Variants in PER1 observed in about 807,000 individuals in gnomAD.
PER1 encodes the protein period circadian regulator 1.
A neutral mutation model predicts 125.9 loss-of-function variants in PER1; 87 were observed. The ratio of observed to expected loss-of-function variants is 0.69; its 90% CI spans 0.58 to 0.83. PER1 has a LOEUF of 0.83. Ranked by LOEUF, PER1 falls within the 40% of genes least tolerant of loss-of-function variation. PER1 has a pLI of 0.00. For missense variants in PER1, 1,775 were observed against 1,722.8 expected (o/e 1.03, Z -0.54); for synonymous variants, 801 against 714.7 (o/e 1.12, Z -1.93).
rs1411398244 is a variant in PER1, at chr17:8,150,795, G to A, written c.-89C>T. 1.6e-6 allele frequency: 2 copies of A among 1,252,308 alleles called. No homozygotes were observed. Among genetic ancestry groups the A allele is most frequent in the Admixed American group, 2.4e-5 (1 of 41,918 alleles). The allele number at this position is 1,252,308 out of a possible 1,614,324, so 77.6% of individuals were successfully genotyped here. A position where few individuals can be genotyped will look rare whatever the true frequency, so the allele number is the denominator to read the frequency against. ...CCTGGAGGCTTGGCTGAGGGAGTGA[G>A]GTGGAAGATCTAAGTCTCTGAGGGT... On this transcript the variant is annotated 5_prime_UTR_variant, in exon 2 of 23. Coordinates refer to ENST00000317276, the MANE Select transcript of PER1 (RefSeq NM_002616.3).
Position 8,141,183 on chromosome 17 carries a change from T to G in PER1, c.3758A>C (p.Glu1253Ala). The change falls in exon 23 of 23, where the codon GAG becomes GCG. Residue 1253 changes from glutamate (E) to alanine (A), a missense_variant. By Grantham distance (107) the Glu-to-Ala change is moderately radical. Coordinates refer to ENST00000317276, the MANE Select transcript of PER1 (RefSeq NM_002616.3). ...TGAAGCCTTGGCCCCGCCTTGGGCC[T>G]CCTCGCAGCCCTCTCCCTCACCACT... Reference protein sequence around the residue: ...GGSGEGEGCEEAQGGAKASSS... With the variant: ...GGSGEGEGCEAAQGGAKASSS... The G allele has an allele frequency of 6.2e-7, 1 of 1,614,176 alleles. No homozygotes were observed. Among genetic ancestry groups the G allele is most frequent in the Non-Finnish European group, 8.5e-7 (1 of 1,180,020 alleles).
chr17:8,142,357 C>T lies in PER1; in HGVS notation c.3361G>A (p.Val1121Met). The change falls in exon 21 of 23, where the codon GTG (valine) becomes ATG (methionine). Residue 1121 changes from valine to methionine, a missense_variant. Physicochemically the swap from Val to Met is conservative, Grantham distance 21. Coordinates refer to ENST00000317276, the MANE Select transcript of PER1 (RefSeq NM_002616.3). ...ARGGAEPGDQ[V>M]IKYVLQDPIW... is the part of the protein sequence containing the mutation. ...GGATCCTGGAGCACGTACTTAATCA[C>T]CTGGTCCCCAGGCTCAGCCCCGCCC... is the stretch of plus-strand genomic sequence containing the variant. 6.2e-7 allele frequency: 1 copy of T among 1,613,898 alleles called. No homozygotes were observed. Among genetic ancestry groups the T allele is most frequent in the Non-Finnish European group, 8.5e-7 (1 of 1,179,942 alleles).
Position 8,144,850 on chromosome 17 carries a change from G to C in PER1, c.2362C>G (p.Gln788Glu). The change falls in exon 18 of 23, where the codon CAG becomes GAG. Residue 788 changes from glutamine to glutamate, a missense_variant. Coordinates refer to ENST00000317276, the MANE Select transcript of PER1 (RefSeq NM_002616.3). ...CTGAGGAAGGCTTGCTCTTCCTTCT[G>C]TGTGTGCAGGGACAGCACGGCCTTG... ...LTKAVLSLHT[Q>E]KEEQAFLSRF... 1 of 1,589,138 alleles carries C rather than the reference G, an allele frequency of 6.3e-7. No homozygotes were observed. Among genetic ancestry groups the C allele is most frequent in the Non-Finnish European group, 8.6e-7 (1 of 1,166,386 alleles).
chr17:8,149,872 G>A lies in PER1; in HGVS notation c.534C>T (p.Asn178=). ...ALACVKQVQA[N]QEYYQQWSLE... is the part of the protein sequence containing the mutation. ...GGCTCCACTGCTGGTAGTATTCCTG[G>A]TTGGCTGCAGAGTGGAGGCAGTGAG... Residue 178 remains asparagine, a synonymous_variant, in exon 5 of 23, where the codon AAC becomes AAT. Transcript: ENST00000317276. 1 of 1,614,160 alleles carries A rather than the reference G, an allele frequency of 6.2e-7. No individual in the cohort carries two copies. The highest frequency in any genetic ancestry group is 1.1e-5 in the South Asian group (1 of 91,092).
chr17:8,151,896 G>A (rs1982882406), intron 1 of PER1, among the ~76,000 whole-genome samples: 1 of 152,236 alleles, frequency 6.6e-6, no homozygotes. Flanking sequence ...GTGGCCAACA[G>A]CAGGAACCAG....
intron 18 of PER1, 82 bp from the exon 19 acceptor site, chr17:8,143,958 C>T: frequency 1.3e-6 from 2 of 1,507,630 alleles, no homozygotes; most frequent in African/African-American, 2.8e-5. Flanking sequence ...ACACGCTGAC[C>T]AGGGAGAGGA....
Position 8,150,721 on chromosome 17 carries a change from G to C in PER1, c.-15C>G, listed in dbSNP as rs199561971. On this transcript the variant is annotated 5_prime_UTR_variant, in exon 2 of 23. Transcript: ENST00000317276. ...GGGCCACTCATGTCTGGGCCATGGG[G>C]AGAACAGAACAGAGAAGGCAGAGAG... The C allele has an allele frequency of 6.5e-7, 1 of 1,530,654 alleles. No individual in the cohort carries two copies. Among genetic ancestry groups the C allele is most frequent in the African/African-American group, 1.4e-5 (1 of 72,544 alleles). 94.8% of individuals were successfully genotyped at this position (1,530,654 alleles called of 1,614,324 possible).
chr17:8,146,440 TAGG>T lies in PER1; in HGVS notation c.1967_1969del (p.Ser656del), dbSNP rs754411014. 13 of 1,612,960 alleles carry T rather than the reference TAGG, an allele frequency of 8.1e-6. No individual in the cohort carries two copies. The highest frequency in any genetic ancestry group is 1.6e-4 in the Middle Eastern group (1 of 6,080). Reference sequence around the variant, plus strand: ...GTCGTCAGAGGCTGAGGAGGTGGTATAGGAGGAGGAGGAGGCACATTTACGCTT... The same window carrying T: ...GTCGTCAGAGGCTGAGGAGGTGGTATAGGAGGAGGAGGCACATTTACGCTT... On this transcript the variant is annotated inframe_deletion, in exon 16 of 23. Transcript: ENST00000317276.
intron 17 of PER1, 172 bp from the exon 18 acceptor site, chr17:8,145,165 G>A: frequency 1.8e-6 from 1 of 557,968 alleles, no homozygotes; most frequent in Middle Eastern, 5.1e-4. Flanking sequence ...GCTGGCCCTG[G>A]GTCCTCCTCT....
Position 8,141,306 on chromosome 17 carries a change from G to C in PER1, c.3635C>G (p.Pro1212Arg). ...GAAGAGTGGGTCATCAGGGTGACCA[G>C]GATCTTGGGTGCTGCTCCCACAGTC... ...CVDCGSSTQD[P>R]GHPDDPLFSE... The change falls in exon 23 of 23, where the codon CCT (proline) becomes CGT (arginine). Residue 1212 changes from proline to arginine, a missense_variant. Transcript: ENST00000317276. 6.2e-7 allele frequency: 1 copy of C among 1,613,368 alleles called. No individual in the cohort carries two copies. Among genetic ancestry groups the C allele is most frequent in the African/African-American group, 1.3e-5 (1 of 75,040 alleles).
In PER1 at chr17:8,150,277, C is replaced by G; in HGVS notation, c.316G>C (p.Ala106Pro). The G allele has an allele frequency of 6.4e-7, 1 of 1,565,756 alleles. No individual in the cohort carries two copies. Among genetic ancestry groups the G allele is most frequent in the Non-Finnish European group, 8.7e-7 (1 of 1,152,506 alleles). ...QSPSPPSSSI[A>P]YSLLSASSEQ... is the part of the protein sequence containing the mutation. Reference sequence around the variant, plus strand: ...GAGCTGGCACTCAGGAGGCTGTAGGCAATGGAACTGCTGGGTGGGGATGGG... The same window carrying G: ...GAGCTGGCACTCAGGAGGCTGTAGGGAATGGAACTGCTGGGTGGGGATGGG... Residue 106 changes from alanine (A) to proline (P), a missense_variant, in exon 3 of 23, where the codon GCC (alanine) becomes CCC (proline). By Grantham distance (27) the Ala-to-Pro change is conservative. Transcript: ENST00000317276.
Position 8,145,001 on chromosome 17 carries a change from G to A in PER1, c.2219-8C>T, listed in dbSNP as rs187427728. The A allele has an allele frequency of 2.1e-5, 31 of 1,461,538 alleles. No individual in the cohort carries two copies. The African/African-American group carries it at 2.3e-4, about 11-fold the overall frequency. The allele number at this position is 1,461,538 out of a possible 1,614,324, so 90.5% of individuals were successfully genotyped here. A position where few individuals can be genotyped will look rare whatever the true frequency, so the allele number is the denominator to read the frequency against. On this transcript the variant is annotated splice_region_variant and splice_polypyrimidine_tract_variant and intron_variant, in intron 17 of 22. Transcript: ENST00000317276. The stretch of plus-strand genomic sequence containing the variant: ...CCTCCATCATGATGATGTCTGAGGA[G>A]AGTGAGATAGGGAAAGGTCATCAGA...
chr17:8,146,888 T>C lies in PER1; in HGVS notation c.1735+9A>G. 6.2e-7 allele frequency: 1 copy of C among 1,612,984 alleles called. No homozygotes were observed. Among genetic ancestry groups the C allele is most frequent in the Non-Finnish European group, 8.5e-7 (1 of 1,179,270 alleles). On this transcript the variant is annotated intron_variant, in intron 14 of 22. Transcript: ENST00000317276. ...CTGTCTCTTCACCCACACATCATCA[T>C]CAACTCACCAGGGAGGCGGGGCCGG...
In PER1 at chr17:8,151,355, G is replaced by C. The variant is rs760354298; in HGVS notation, c.-139-510C>G. ...GCTGCTGAGCTCAGCGGTTGCTGGA[G>C]GGACCACAGGAGGGCGGGAGGAGCG... On this transcript the variant is annotated intron_variant, in intron 1 of 22. Coordinates refer to ENST00000317276, the MANE Select transcript of PER1 (RefSeq NM_002616.3). Among the ~76,000 whole-genome samples the C allele has an allele frequency of 1.3e-4, 20 of 152,364 alleles. No individual in the cohort carries two copies. The South Asian group carries it at 3.1e-3, about 24-fold the overall frequency.
chr17:8,150,949 C>A, intron 1 of PER1, 104 bp from the exon 2 acceptor site: 1 of 491,116 alleles, frequency 2.0e-6, no homozygotes, highest in Non-Finnish European at 3.6e-6. Context: ...TCCTGCAGGA[C>A]TGATGGGAGT....
At position 8,143,697 on chromosome 17, in the gene PER1, C is replaced by A; in HGVS notation, c.2641G>T (p.Val881Phe). 6.9e-7 allele frequency: 1 copy of A among 1,455,838 alleles called. No individual in the cohort carries two copies. 90.2% of individuals were successfully genotyped at this position (1,455,838 alleles called of 1,614,324 possible). Reference sequence around the variant, plus strand: ...AACACTGGGAGAGGGTAGGGCTGGACAACCGCTGGGAAGGGGGTAGTGGCT... The same window carrying A: ...AACACTGGGAGAGGGTAGGGCTGGAAAACCGCTGGGAAGGGGGTAGTGGCT... ...PPATTPFPAV[V>F]QPYPLPVFSP... The change falls in exon 19 of 23, where the codon GTC becomes TTC. Residue 881 changes from valine to phenylalanine, a missense_variant. Transcript: ENST00000317276.
Position 8,149,294 on chromosome 17 carries a change from G to A in PER1, c.870C>T (p.Asp290=), listed in dbSNP as rs781499335. 18 of 1,613,846 alleles carry A rather than the reference G, an allele frequency of 1.1e-5. No homozygotes were observed. The Admixed American group carries it at 1.8e-4, about 16-fold the overall frequency. Residue 290 remains aspartate (D), a synonymous_variant, in exon 7 of 23, where the codon GAC becomes GAT. Coordinates refer to ENST00000317276, the MANE Select transcript of PER1 (RefSeq NM_002616.3). Reference sequence around the variant, plus strand: ...AGAAGACGGACTTCTCCTGGGTAAAGTCCCTGAGGCCTGAACCTGGGACAG... The same window carrying A: ...AGAAGACGGACTTCTCCTGGGTAAAATCCCTGAGGCCTGAACCTGGGACAG... The part of the protein sequence containing the change: ...TGASAGSGLR[D]FTQEKSVFCR...
chr17:8,143,413 G>A lies in PER1; in HGVS notation c.2925C>T (p.Asn975=). The A allele has an allele frequency of 1.2e-6, 2 of 1,613,614 alleles. No homozygotes were observed. Among genetic ancestry groups the A allele is most frequent in the Non-Finnish European group, 1.7e-6 (2 of 1,179,808 alleles). ...PPHRPDSPLF[N]SRCSSPLQLN... ...GCTGGAGTGGAGAGCTGCATCTCGAGTTGAACAGTGGAGAGTCCGGGCGGT... is the reference window on the plus strand; with the variant it reads ...GCTGGAGTGGAGAGCTGCATCTCGAATTGAACAGTGGAGAGTCCGGGCGGT... The change falls in exon 19 of 23, where the codon AAC becomes AAT. Residue 975 remains asparagine (N), a synonymous_variant. Transcript: ENST00000317276.
At chr17:8,144,417 A>G (rs1269771766) in intron 18 of PER1, 1 of 455,906 alleles carries the variant, frequency 2.2e-6, no homozygotes, top group Admixed American at 4.0e-5. Context: ...CCCAGAATCT[A>G]TGCATGTCTC....
Sources: allele counts gnomAD v4.1 joint callset (sites outside exome capture counted in the v4.1 genomes callset), GRCh38; gene constraint gnomAD v4.1.1; transcripts MANE v1.5; gene names NCBI Gene and HGNC (gene_info 2026-07-23, HGNC 2026-07-21).